The following CNOT10 variants were observed in gnomAD, a reference collection of about 807,000 sequenced individuals.
CNOT10 encodes the protein CCR4-NOT transcription complex, subunit 10.
In CNOT10, 30 loss-of-function variants were observed where a neutral mutation model predicts 94.6. The observed-to-expected ratio is 0.32, with a 90% CI of 0.24 to 0.43. CNOT10 has a LOEUF of 0.43. Ranked by LOEUF, CNOT10 falls within the 20% of genes least tolerant of loss-of-function variation. CNOT10 has a pLI of 1.00. For synonymous variants in CNOT10, 289 were observed against 301.6 expected, an observed-to-expected ratio of 0.96 and a Z score of 0.43; for missense variants, 759 against 877.2, an observed-to-expected ratio of 0.87 and a Z score of 1.70.
chr3:32,745,280 A>T (rs948987142), intron 13 of CNOT10, among the ~76,000 whole-genome samples: 2 of 151,812 alleles, frequency 1.3e-5, no homozygotes, highest in African/African-American at 2.4e-5. Flanking sequence ...TTTAATTTTT[A>T]AAAAATTATT....
chr3:32,719,862 T>G (rs1261261561), intron 7 of CNOT10, among the ~76,000 whole-genome samples: 1 of 152,226 alleles, frequency 6.6e-6, no homozygotes, highest in Non-Finnish European at 1.5e-5. Flanking sequence ...CTACAGACTG[T>G]ATTCTTATAC....
In CNOT10 at chr3:32,773,677, T is replaced by C; in HGVS notation, c.*66T>C. ...GAATTTACTGGCCATTTTAGTTGTA[T>C]CACAGCAGAATGAATAAAAGATGGT... On this transcript the variant is annotated 3_prime_UTR_variant, in exon 19 of 19. Coordinates refer to ENST00000328834, the MANE Select transcript of CNOT10 (RefSeq NM_015442.3). 1 of 1,487,270 alleles carries C rather than the reference T, an allele frequency of 6.7e-7. No homozygotes were observed. Among genetic ancestry groups the C allele is most frequent in the Non-Finnish European group, 9.1e-7 (1 of 1,098,194 alleles). The allele number at this position is 1,487,270 out of a possible 1,614,324, so 92.1% of individuals were successfully genotyped here.
intron 10 of CNOT10, among the ~76,000 whole-genome samples, chr3:32,728,153 C>T (rs914896167): frequency 3.9e-5 from 6 of 151,902 alleles, no homozygotes; most frequent in African/African-American, 4.8e-5. Flanking sequence ...CATGCCACCA[C>T]GCCCAGCTAA....
intron 10 of CNOT10, chr3:32,730,570 G>A (rs1410966918): frequency 6.6e-6 from 1 of 151,964 alleles, no homozygotes; most frequent in Non-Finnish European, 1.5e-5. Context: ...GTAAAAACAA[G>A]CCCAAAACAC....
chr3:32,687,445 T>TTTTTTTTTTTTTC (rs1696659515), intron 1 of CNOT10, among the ~76,000 whole-genome samples: 1 of 68,074 alleles, frequency 1.5e-5, no homozygotes. Context: ...CACGGTTTTT[T>TTTTTTTTTTTTTC]TTTTTTGTTT....
intron 13 of CNOT10, among the ~76,000 whole-genome samples, chr3:32,742,301 A>G (rs76591823): frequency 0.02 from 2,981 of 152,120 alleles, 51 homozygotes; most frequent in East Asian, 0.047. Context: ...GTGTAGTGCT[A>G]TCTCATTGTG....
At chr3:32,729,800 G>T (rs528462928) in intron 10 of CNOT10, among the ~76,000 whole-genome samples, 32 of 101,892 alleles carry the variant, frequency 3.1e-4, no homozygotes, top group African/African-American at 1.2e-3. Flanking sequence ...ACGGAGTCTC[G>T]CCCTGTCGCC....
Position 32,753,121 on chromosome 3 carries a change from C to G in CNOT10, c.1596-6337C>G, listed in dbSNP as rs957589921. ...CTGTTGCTGATGCAAAGAAGTCTCT[C>G]GAATTCAATCCAAATAATTCCACCA... On this transcript the variant is annotated intron_variant, in intron 13 of 18. Transcript: ENST00000328834. 13 of 566,824 alleles carry G rather than the reference C, an allele frequency of 2.3e-5. No homozygotes were observed. The Admixed American group carries it at 2.9e-4, about 13-fold the overall frequency. The allele number at this position is 566,824 out of a possible 1,614,324, so 35.1% of individuals were successfully genotyped here.
chr3:32,726,986 A>G (rs1474827269), intron 9 of CNOT10, among the ~76,000 whole-genome samples: 3 of 151,680 alleles, frequency 2.0e-5, no homozygotes, highest in Non-Finnish European at 2.9e-5. Context: ...AGCTGGGACT[A>G]CAGGCACATG....
At position 32,747,318 on chromosome 3, in the gene CNOT10, GA is replaced by G. The variant is rs556420654; in HGVS notation, c.1595+9830del. Among the ~76,000 whole-genome samples, 928 of 152,212 alleles carry G rather than the reference GA, an allele frequency of 6.1e-3. 18 individuals are homozygous for G. The highest frequency in any genetic ancestry group is 0.021 in the African/African-American group (891 of 41,538). ...CTGTAATCCCAGCTATTAGGAGGCT[GA>G]AGCAGGAGAATCGCTTGAACCCAGG... is the stretch of plus-strand genomic sequence containing the variant. On this transcript the variant is annotated intron_variant, in intron 13 of 18. Transcript: ENST00000328834.
chr3:32,767,875 C>A (rs965277996), intron 17 of CNOT10, among the ~76,000 whole-genome samples: 2 of 152,164 alleles, frequency 1.3e-5, no homozygotes, highest in African/African-American at 2.4e-5. Context: ...TCTAAAGTTA[C>A]AGTGTGTACA....
chr3:32,705,710 G>A (rs1489506402), intron 3 of CNOT10, among the ~76,000 whole-genome samples: 2 of 152,100 alleles, frequency 1.3e-5, no homozygotes, highest in African/African-American at 4.8e-5. Context: ...TAACTCTATA[G>A]CCTGTAATTT....
Position 32,727,854 on chromosome 3 carries a change from T to C in CNOT10, c.1199T>C (p.Ile400Thr). ...RLWLRLAECCIAANKGTSEQE... is the reference protein window; with the variant it reads ...RLWLRLAECCTAANKGTSEQE... ...TGGCTACGGCTGGCTGAATGCTGCA[T>C]TGCTGCCAATAAGGGGGTGAGTGCT... is the stretch of plus-strand genomic sequence containing the variant. Residue 400 changes from isoleucine (I) to threonine (T), a missense_variant, in exon 10 of 19, where the codon ATT becomes ACT. By Grantham distance (89) the Ile-to-Thr change is moderately conservative. This residue lies in a region of CNOT10 where 682 missense variants were observed against 799.4 expected (regional missense o/e 0.85). Coordinates refer to ENST00000328834, the MANE Select transcript of CNOT10 (RefSeq NM_015442.3). 6.2e-7 allele frequency: 1 copy of C among 1,613,136 alleles called. No homozygotes were observed.
At chr3:32,726,547 T>A (rs527718271) in intron 9 of CNOT10, among the ~76,000 whole-genome samples, 1 of 151,538 alleles carries the variant, frequency 6.6e-6, no homozygotes, top group East Asian at 2.0e-4. Flanking sequence ...ACAAAAAAAA[T>A]TAGCCGAGCA....
At chr3:32,713,453 C>T in intron 5 of CNOT10, 84 bp downstream of exon 5, 5 of 1,081,016 alleles carry the variant, frequency 4.6e-6, no homozygotes, top group Non-Finnish European at 6.6e-6. Context: ...AAAAAGAAAG[C>T]AATTAAAATA....
intron 8 of CNOT10, among the ~76,000 whole-genome samples, chr3:32,721,620 C>T (rs1303720332): frequency 6.7e-6 from 1 of 149,458 alleles, no homozygotes; most frequent in Non-Finnish European, 1.5e-5. Flanking sequence ...TTCTATAATG[C>T]TAGGAAGATA....
chr3:32,763,185 T>C (rs1175771732), intron 15 of CNOT10, among the ~76,000 whole-genome samples: 1 of 152,052 alleles, frequency 6.6e-6, no homozygotes, highest in African/African-American at 2.4e-5. Context: ...CAAGAGTCAG[T>C]TTTAGTCCAG....
At chr3:32,734,317 T>C (rs1378078734) in intron 11 of CNOT10, among the ~76,000 whole-genome samples, 1 of 152,220 alleles carries the variant, frequency 6.6e-6, no homozygotes, top group Non-Finnish European at 1.5e-5. Flanking sequence ...CAGAAAGTTG[T>C]ATAAAATGTC....
chr3:32,709,834 G>A (rs1005924731), intron 4 of CNOT10, among the ~76,000 whole-genome samples: 1 of 152,152 alleles, frequency 6.6e-6, no homozygotes, highest in African/African-American at 2.4e-5. Context: ...TGGAGAAACT[G>A]CCTTTAAAGG....
Sources: gnomAD v4.1 joint callset for allele counts (sites outside exome capture counted in the v4.1 genomes callset) on GRCh38, gnomAD v4.1.1 for gene constraint, gnomAD v4.1.1 regional missense constraint, MANE v1.5 for transcripts, NCBI Gene and HGNC (gene_info 2026-07-23, HGNC 2026-07-21) for gene names.